AGAP1: variants seen among roughly 807,000 people sequenced by gnomAD.
AGAP1 encodes the protein arf-GAP with GTPase, ANK repeat and PH domain-containing protein 1.
AGAP1 carries 29 observed loss-of-function variants against 105.3 expected under a neutral mutation model. That is an observed-to-expected ratio of 0.28 (90% CI 0.21 to 0.38). AGAP1 has a LOEUF of 0.38. Ranked by LOEUF, AGAP1 falls within the 10% of genes least tolerant of loss-of-function variation. The pLI, the probability that AGAP1 is intolerant of heterozygous loss-of-function variation, is 1.00. For synonymous variants in AGAP1, 509 were observed against 485.9 expected (o/e 1.05, Z -0.63); for missense variants, 998 against 1,165.1 (o/e 0.86, Z 2.09).
chr2:235,809,153 G>A (rs976422824), intron 9 of AGAP1, among the ~76,000 whole-genome samples: 1 of 151,994 alleles, frequency 6.6e-6, no homozygotes, highest in Non-Finnish European at 1.5e-5. Context: ...CCCTCTGTGC[G>A]AGCCAGGTGG....
In AGAP1 at chr2:235,872,060, TG is replaced by T. The variant is rs548038594; in HGVS notation, c.1051-11284del. Among the ~76,000 whole-genome samples, 298 of 152,280 alleles carry T rather than the reference TG, an allele frequency of 2.0e-3. 5 individuals are homozygous for T. Among genetic ancestry groups the T allele is most frequent in the Admixed American group, 0.016 (249 of 15,304 alleles). ...GGATATCAGTTGTGATTGCAGTTGA[TG>T]AAATATGCAGTTGTGAATACTGAGA... On this transcript the variant is annotated intron_variant, in intron 9 of 17. Transcript: ENST00000304032. This position sits in a 1 kb window ranked among gnomAD's most constrained non-coding sequence, Gnocchi z 4.5.
At chr2:235,722,862 T>TACACTA (rs1317196379) in intron 3 of AGAP1, among the ~76,000 whole-genome samples, 2 of 150,082 alleles carry the variant, frequency 1.3e-5, no homozygotes, top group Admixed American at 1.3e-4. Flanking sequence ...ACACATAAAA[T>TACACTA]ACACTAACAC....
chr2:235,710,956 G>C (rs1371152501), intron 2 of AGAP1, among the ~76,000 whole-genome samples: 2 of 152,198 alleles, frequency 1.3e-5, no homozygotes, highest in Non-Finnish European at 2.9e-5. Context: ...GGAGGGATAG[G>C]TACGGTTATC....
In AGAP1 at chr2:235,744,821, G is replaced by A; in HGVS notation, c.520G>A (p.Val174Ile). The A allele has an allele frequency of 6.2e-7, 1 of 1,614,016 alleles. No homozygotes were observed. The highest frequency in any genetic ancestry group is 8.5e-7 in the Non-Finnish European group (1 of 1,179,998). Reference protein sequence around the residue: ...NYRNTSEIPLVLVGTQDAISS... With the variant: ...NYRNTSEIPLILVGTQDAISS... ...TCGGAACACGAGCGAGATTCCTCTG[G>A]TTCTGGTGGGAACCCAGGGTGAGTG... Residue 174 changes from valine to isoleucine, a missense_variant, in exon 5 of 18, where the codon GTT becomes ATT. By Grantham distance (29) the Val-to-Ile change is conservative. Around this residue, in one of 3 missense-constraint regions of AGAP1, gnomAD observed 735 missense variants for 833.4 expected, o/e 0.88. Coordinates refer to ENST00000304032, the MANE Select transcript of AGAP1 (RefSeq NM_001037131.3). This position sits in a 1 kb window ranked among gnomAD's most constrained non-coding sequence, Gnocchi z 5.2.
rs577823079 is a variant in AGAP1 at position 235,978,910 on chromosome 2, T to A, written c.1645+10287T>A. Among the ~76,000 whole-genome samples the A allele has an allele frequency of 1.1e-4, 17 of 149,336 alleles. 1 individual carries two copies. In the East Asian group the frequency reaches 2.1e-3, roughly 19 times the overall value. ...GTGCATGCACACTCTGATACGTTTT[T>A]AAAAAAAAAAGATGCAAATCACTGC... On this transcript the variant is annotated intron_variant, in intron 13 of 17. Transcript: ENST00000304032.
rs1223462037 is a variant in AGAP1 at position 236,126,346 on chromosome 2, A to G, written c.*2224A>G. On this transcript the variant is annotated 3_prime_UTR_variant, in exon 18 of 18. Coordinates refer to ENST00000304032, the MANE Select transcript of AGAP1 (RefSeq NM_001037131.3). ...TCCACTAGACACACTCGCTCCACACAGCCTTCACCGTAGACTCTGTAGTGG... is the reference window on the plus strand; with the variant it reads ...TCCACTAGACACACTCGCTCCACACGGCCTTCACCGTAGACTCTGTAGTGG... The G allele has an allele frequency of 6.6e-6, 1 of 152,226 alleles. No homozygotes were observed. The highest frequency in any genetic ancestry group is 1.5e-5 in the Non-Finnish European group (1 of 68,044). 9.4% of individuals were successfully genotyped at this position (152,226 alleles called of 1,614,324 possible). A position where few individuals can be genotyped will look rare whatever the true frequency, so the allele number is the denominator to read the frequency against.
rs1368239569 is a variant in AGAP1 at position 235,578,014 on chromosome 2, C to T, written c.163+83165C>T. 2.0e-5 allele frequency among the ~76,000 whole-genome samples: 3 copies of T among 152,076 alleles called. No homozygotes were observed. Among genetic ancestry groups the T allele is most frequent in the East Asian group, 1.9e-4 (1 of 5,170 alleles). On this transcript the variant is annotated intron_variant, in intron 1 of 17. Coordinates refer to ENST00000304032, the MANE Select transcript of AGAP1 (RefSeq NM_001037131.3). The surrounding 1 kb of genome is among the most constrained non-coding windows in gnomAD (Gnocchi z 4.9). ...TCCAGGTGCCTGCGTGTGCTGGTCC[C>T]GCCATCAGGACTTCCCCTCGTGAGG...
chr2:235,804,120 C>T (rs73998926), intron 8 of AGAP1, among the ~76,000 whole-genome samples: 2,119 of 152,280 alleles, frequency 0.014, 51 homozygotes, highest in African/African-American at 0.049. Context: ...CAGCTCCTTC[C>T]ATGTGCCTCC....
At position 235,977,895 on chromosome 2, in the gene AGAP1, A is replaced by G. The variant is rs1365875947; in HGVS notation, c.1645+9272A>G. 6.6e-6 allele frequency among the ~76,000 whole-genome samples: 1 copy of G among 152,194 alleles called. No homozygotes were observed. Among genetic ancestry groups the G allele is most frequent in the East Asian group, 1.9e-4 (1 of 5,184 alleles). Reference sequence around the variant, plus strand: ...GCCACAGACTGGGGGCTTAACCAGCAGAAACTCATTTATCATGGTTCTGAA... The same window carrying G: ...GCCACAGACTGGGGGCTTAACCAGCGGAAACTCATTTATCATGGTTCTGAA... On this transcript the variant is annotated intron_variant, in intron 13 of 17. Transcript: ENST00000304032. This position sits in a 1 kb window ranked among gnomAD's most constrained non-coding sequence, Gnocchi z 5.2.
chr2:235,647,515 G>T (rs1273265874), intron 1 of AGAP1, among the ~76,000 whole-genome samples: 1 of 152,082 alleles, frequency 6.6e-6, no homozygotes, highest in Non-Finnish European at 1.5e-5. Context: ...AGCCTCCCGA[G>T]TAGCTGGGAC....
At position 235,623,485 on chromosome 2, in the gene AGAP1, T is replaced by C. The variant is rs1291246039; in HGVS notation, c.164-85694T>C. 5.9e-4 allele frequency among the ~76,000 whole-genome samples: 90 copies of C among 152,078 alleles called. No homozygotes were observed. The highest frequency in any genetic ancestry group is 5.9e-3 in the Admixed American group (90 of 15,266). On this transcript the variant is annotated intron_variant, in intron 1 of 17. Transcript: ENST00000304032. The surrounding 1 kb of genome is among the most constrained non-coding windows in gnomAD (Gnocchi z 4.5). ...TTTCAGGATGACACAAGCCATCGGG[T>C]TGAGTGTGTTTGTTTCAGCCCCTCT...
intron 16 of AGAP1, among the ~76,000 whole-genome samples, chr2:236,084,321 A>G (rs1354642121): frequency 6.6e-6 from 1 of 152,202 alleles, no homozygotes; most frequent in East Asian, 1.9e-4. Context: ...TTAAATGCAC[A>G]GTACATTCAT....
rs1242663018 is a variant in AGAP1 at position 235,723,216 on chromosome 2, A to G, written c.310+5572A>G. Among the ~76,000 whole-genome samples the G allele has an allele frequency of 6.6e-6, 1 of 152,184 alleles. No homozygotes were observed. The highest frequency in any genetic ancestry group is 2.4e-5 in the African/African-American group (1 of 41,450). On this transcript the variant is annotated intron_variant, in intron 3 of 17. Coordinates refer to ENST00000304032, the MANE Select transcript of AGAP1 (RefSeq NM_001037131.3). The surrounding 1 kb of genome is among the most constrained non-coding windows in gnomAD (Gnocchi z 6.2). ...ATGAGATGAAAATTAGTTATTTGCC[A>G]ATTGAGCCCTATTAATGGCTGCTGA... is the stretch of plus-strand genomic sequence containing the variant.
chr2:235,784,445 A>T (rs563561425), intron 6 of AGAP1, among the ~76,000 whole-genome samples: 6 of 152,184 alleles, frequency 3.9e-5, no homozygotes, highest in Non-Finnish European at 8.8e-5. Flanking sequence ...TCTAATTAAC[A>T]CTTAACATTA....
intron 1 of AGAP1, chr2:235,507,229 T>A (rs112237034): frequency 2.2e-3 from 332 of 152,784 alleles, no homozygotes; most frequent in Non-Finnish European, 3.7e-3. Flanking sequence ...TTTTTGTCTC[T>A]GTCACCCTGT....
chr2:235,497,798 G>T lies in AGAP1; in HGVS notation c.163+2949G>T, dbSNP rs542296761. Among the ~76,000 whole-genome samples the T allele has an allele frequency of 1.1e-4, 17 of 152,218 alleles. No homozygotes were observed. In the South Asian group the frequency reaches 3.3e-3, roughly 30 times the overall value. The stretch of plus-strand genomic sequence containing the variant: ...TTTTTAGTAGAGACGGGGTTTCATT[G>T]TGTTAGCCGGTATGGTCTCCGTCTC... On this transcript the variant is annotated intron_variant, in intron 1 of 17. Transcript: ENST00000304032.
rs1030365821 is a variant in AGAP1 at position 235,889,860 on chromosome 2, C to G, written c.1155+6411C>G. 6.6e-6 allele frequency among the ~76,000 whole-genome samples: 1 copy of G among 152,090 alleles called. No individual in the cohort carries two copies. The highest frequency in any genetic ancestry group is 6.5e-5 in the Admixed American group (1 of 15,276). Reference sequence around the variant, plus strand: ...AGGATGTGATAATTTCCCTGGAAATCAGAGGGGAAAAGAAGCAAAACATGG... The same window carrying G: ...AGGATGTGATAATTTCCCTGGAAATGAGAGGGGAAAAGAAGCAAAACATGG... On this transcript the variant is annotated intron_variant, in intron 10 of 17. Coordinates refer to ENST00000304032, the MANE Select transcript of AGAP1 (RefSeq NM_001037131.3). The surrounding 1 kb of genome is among the most constrained non-coding windows in gnomAD (Gnocchi z 4.6).
At position 235,716,898 on chromosome 2, in the gene AGAP1, T is replaced by A. The variant is rs1031969701; in HGVS notation, c.223-659T>A. On this transcript the variant is annotated intron_variant, in intron 2 of 17. Coordinates refer to ENST00000304032, the MANE Select transcript of AGAP1 (RefSeq NM_001037131.3). This position sits in a 1 kb window ranked among gnomAD's most constrained non-coding sequence, Gnocchi z 4.0. ...GTCACCCTCCCTCCTGAGGGTCGCC[T>A]TCTAATCCAGCACAAACGAGCACCT... 1.3e-5 allele frequency among the ~76,000 whole-genome samples: 2 copies of A among 152,000 alleles called. No individual in the cohort carries two copies. The highest frequency in any genetic ancestry group is 2.9e-5 in the Non-Finnish European group (2 of 67,998).
chr2:235,759,326 G>A (rs918001796), intron 6 of AGAP1, among the ~76,000 whole-genome samples: 8 of 151,948 alleles, frequency 5.3e-5, no homozygotes, highest in East Asian at 3.9e-4. Context: ...CTGCCACCAC[G>A]CCCGGCTAAT....
Sources: allele counts gnomAD v4.1 joint callset (sites outside exome capture counted in the v4.1 genomes callset), GRCh38; gene constraint gnomAD v4.1.1; regional missense constraint gnomAD v4.1.1; non-coding constraint Gnocchi (gnomAD v3.1); transcripts MANE v1.5; gene names NCBI Gene and HGNC (gene_info 2026-07-23, HGNC 2026-07-21).